The following TIPARP variants were observed in gnomAD, a reference collection of about 807,000 sequenced individuals.
TIPARP encodes TCDD inducible poly(ADP-ribose) polymerase.
In TIPARP, 12 loss-of-function variants were observed where a neutral mutation model predicts 56.5. The observed-to-expected ratio is 0.21, with a 90% CI of 0.14 to 0.34. The LOEUF is 0.34. Ranked by LOEUF, TIPARP falls within the 10% of genes least tolerant of loss-of-function variation. The pLI is 1.00. For missense variants in TIPARP, 604 were observed against 781.6 expected, an observed-to-expected ratio of 0.77 and a Z score of 2.71; for synonymous variants, 296 against 265.7, an observed-to-expected ratio of 1.11 and a Z score of -1.11.
rs1390721044 is a variant in TIPARP at position 156,695,884 on chromosome 3, A to C, written c.1106A>C (p.Glu369Ala). 6.9e-7 allele frequency: 1 copy of C among 1,445,024 alleles called. No homozygotes were observed. The highest frequency in any genetic ancestry group is 1.8e-5 in the African/African-American group (1 of 56,468). The allele number at this position is 1,445,024 out of a possible 1,614,324, so 89.5% of individuals were successfully genotyped here. The change falls in exon 4 of 6, where the codon GAA becomes GCA. Residue 369 changes from glutamate to alanine, a missense_variant. Transcript: ENST00000295924. ...CCATAGTCTGTCATTCGATTGATTG[A>C]AGAAGCCAACTCTCGGGGTCTGAAA... ...EYPESVIRLI[E>A]EANSRGLKEV...
At chr3:156,702,803 G>T (rs1722884296) in intron 4 of TIPARP, among the ~76,000 whole-genome samples, 1 of 152,164 alleles carries the variant, frequency 6.6e-6, no homozygotes, top group Admixed American at 6.5e-5. Context: ...AGAGTTTATA[G>T]TAATTAGCTC....
At chr3:156,688,936 C>T (rs1340149872) in intron 2 of TIPARP, among the ~76,000 whole-genome samples, 1 of 152,122 alleles carries the variant, frequency 6.6e-6, no homozygotes, top group Non-Finnish European at 1.5e-5. Flanking sequence ...TTTCACTTTA[C>T]ATCATAATAA....
intron 4 of TIPARP, among the ~76,000 whole-genome samples, chr3:156,699,986 T>G (rs990486415): frequency 6.6e-6 from 1 of 152,200 alleles, no homozygotes; most frequent in African/African-American, 2.4e-5. Context: ...CCAAAAAGCA[T>G]ATTTTAGAAG....
In TIPARP at chr3:156,678,053, A is replaced by T. The variant is rs1298308351; in HGVS notation, c.356A>T (p.Asp119Val). The change falls in exon 2 of 6, where the codon GAC (aspartate) becomes GTC (valine). Residue 119 changes from aspartate (D) to valine (V), a missense_variant. By Grantham distance (152) the Asp-to-Val change is radical (BLOSUM62 -3). Transcript: ENST00000295924. ...VLIPDRTNVGDQIPEAHPSTE... is the reference protein window; with the variant it reads ...VLIPDRTNVGVQIPEAHPSTE... The stretch of plus-strand genomic sequence containing the variant: ...ATTCCTGATAGGACAAATGTTGGGG[A>T]CCAGATACCGGAAGCCCATCCTTCC... The T allele has an allele frequency of 1.2e-6, 2 of 1,613,980 alleles. No individual in the cohort carries two copies. The highest frequency in any genetic ancestry group is 2.7e-5 in the African/African-American group (2 of 74,922).
rs1004427724 is a variant in TIPARP at position 156,706,303 on chromosome 3, G to A, written c.*1172G>A. On this transcript the variant is annotated 3_prime_UTR_variant, in exon 6 of 6. Transcript: ENST00000295924. ...ACTCCTTATAAAAAGCAAATACCTGGATTTACAAAAGTGAAAGTAGTTGTT... is the reference window on the plus strand; with the variant it reads ...ACTCCTTATAAAAAGCAAATACCTGAATTTACAAAAGTGAAAGTAGTTGTT... The A allele has an allele frequency of 1.2e-4, 19 of 152,594 alleles. No individual in the cohort carries two copies. The highest frequency in any genetic ancestry group is 4.6e-4 in the African/African-American group (19 of 41,434). The allele number at this position is 152,594 out of a possible 1,614,324, so 9.5% of individuals were successfully genotyped here. A position where few individuals can be genotyped will look rare whatever the true frequency, so the allele number is the denominator to read the frequency against.
chr3:156,676,110 A>T (rs1426558830), intron 1 of TIPARP, among the ~76,000 whole-genome samples: 1 of 152,142 alleles, frequency 6.6e-6, no homozygotes, highest in Admixed American at 6.5e-5. Context: ...CCGGTTTGGT[A>T]TGGTGGAGAG....
chr3:156,693,700 T>G (rs1207928417), intron 2 of TIPARP, among the ~76,000 whole-genome samples: 3 of 152,204 alleles, frequency 2.0e-5, no homozygotes, highest in African/African-American at 4.8e-5. Flanking sequence ...ACTCCCTGAT[T>G]GGCTGAGGCC....
Position 156,695,847 on chromosome 3 carries a change from C to CTTTTTTTTTTTTTTT in TIPARP, c.1087-17_1087-16insTTTTTTTTTTTTTTT. ...TTTCCTTTTTTTTTTTTTTTTTGTT[C>CTTTTTTTTTTTTTTT]TGTTTTCTCCTCCATAGTCTGTCAT... On this transcript the variant is annotated splice_polypyrimidine_tract_variant and intron_variant, in intron 3 of 5. Coordinates refer to ENST00000295924, the MANE Select transcript of TIPARP (RefSeq NM_015508.5). 2 of 580,108 alleles carry CTTTTTTTTTTTTTTT rather than the reference C, an allele frequency of 3.4e-6. No homozygotes were observed. Among genetic ancestry groups the CTTTTTTTTTTTTTTT allele is most frequent in the Admixed American group, 6.9e-5 (1 of 14,436 alleles). 35.9% of individuals were successfully genotyped at this position (580,108 alleles called of 1,614,324 possible).
rs1722946925 is a variant in TIPARP, at chr3:156,705,064, A to G, written c.1907A>G (p.Asn636Ser). ...FFEPQIFVIF[N>S]DDQSYPYFVI... ...GAGCCTCAGATTTTTGTCATTTTTA[A>G]TGATGACCAGAGTTACCCTTATTTT... Residue 636 changes from asparagine (N) to serine (S), a missense_variant, in exon 6 of 6, where the codon AAT becomes AGT. Physicochemically the swap from Asn to Ser is conservative, Grantham distance 46. This residue lies in a region of TIPARP where 77 missense variants were observed against 161.0 expected (regional missense o/e 0.48). Transcript: ENST00000295924. 1 of 1,613,976 alleles carries G rather than the reference A, an allele frequency of 6.2e-7. No individual in the cohort carries two copies. Among genetic ancestry groups the G allele is most frequent in the Admixed American group, 1.7e-5 (1 of 59,982 alleles).
rs1270869063 is a variant in TIPARP at position 156,706,310 on chromosome 3, A to G, written c.*1179A>G. Reference sequence around the variant, plus strand: ...ATAAAAAGCAAATACCTGGATTTACAAAAGTGAAAGTAGTTGTTCACAAAA... The same window carrying G: ...ATAAAAAGCAAATACCTGGATTTACGAAAGTGAAAGTAGTTGTTCACAAAA... On this transcript the variant is annotated 3_prime_UTR_variant, in exon 6 of 6. Transcript: ENST00000295924. The G allele has an allele frequency of 1.3e-5, 2 of 152,694 alleles. No individual in the cohort carries two copies. The highest frequency in any genetic ancestry group is 2.9e-5 in the Non-Finnish European group (2 of 68,034). 9.5% of individuals were successfully genotyped at this position (152,694 alleles called of 1,614,324 possible).
At chr3:156,691,655 G>A (rs757991586) in intron 2 of TIPARP, among the ~76,000 whole-genome samples, 9 of 152,116 alleles carry the variant, frequency 5.9e-5, no homozygotes, top group Non-Finnish European at 1.2e-4. Flanking sequence ...GATGCAGATT[G>A]TGGAGAAAAA....
intron 3 of TIPARP, among the ~76,000 whole-genome samples, chr3:156,695,576 G>A (rs191238029): frequency 1.8e-4 from 27 of 151,686 alleles, no homozygotes; most frequent in Non-Finnish European, 2.5e-4. Context: ...AAATATGAAC[G>A]AAAACTCTCT....
chr3:156,693,972 A>G (rs772729012), intron 2 of TIPARP, 48 bp from the exon 3 acceptor site: 4 of 1,539,174 alleles, frequency 2.6e-6, no homozygotes, highest in South Asian at 2.5e-5. Flanking sequence ...CTGTTTTACA[A>G]ATTTATTAAC....
chr3:156,696,069 G>A, intron 4 of TIPARP, 44 bp downstream of exon 4: 1 of 1,576,940 alleles, frequency 6.3e-7, no homozygotes, highest in Non-Finnish European at 8.6e-7. Context: ...CTCATTTTAT[G>A]TAAATGCATT....
chr3:156,681,140 G>A, intron 2 of TIPARP: 1 of 456,578 alleles, frequency 2.2e-6, no homozygotes. Context: ...TGCAGATAAC[G>A]GCATGTTGAG....
intron 3 of TIPARP, 72 bp downstream of exon 3, chr3:156,694,260 T>C (rs1233813285): frequency 2.1e-6 from 3 of 1,399,192 alleles, no homozygotes; most frequent in Non-Finnish European, 2.9e-6. Context: ...CTTTTATTCT[T>C]TCTTTACAAC....
chr3:156,696,947 G>T (rs1722730173), intron 4 of TIPARP, among the ~76,000 whole-genome samples: 1 of 152,084 alleles, frequency 6.6e-6, no homozygotes, highest in Non-Finnish European at 1.5e-5. Flanking sequence ...TCCCTAAGTT[G>T]TTATGAGAAA....
chr3:156,698,386 T>C (rs1722770614), intron 4 of TIPARP, among the ~76,000 whole-genome samples: 1 of 152,212 alleles, frequency 6.6e-6, no homozygotes. Flanking sequence ...TAGGACTTCA[T>C]AGGTAGAGAG....
rs1233983933 is a variant in TIPARP at position 156,678,060 on chromosome 3, A to G, written c.363A>G (p.Ile121Met). Residue 121 changes from isoleucine to methionine, a missense_variant, in exon 2 of 6, where the codon ATA becomes ATG. Ile to Met is a conservative substitution (Grantham distance 10, BLOSUM62 1). Coordinates refer to ENST00000295924, the MANE Select transcript of TIPARP (RefSeq NM_015508.5). ...ATAGGACAAATGTTGGGGACCAGAT[A>G]CCGGAAGCCCATCCTTCCACTGAAG... Reference protein sequence around the residue: ...IPDRTNVGDQIPEAHPSTEAP... With the variant: ...IPDRTNVGDQMPEAHPSTEAP... 6.2e-7 allele frequency: 1 copy of G among 1,614,118 alleles called. No individual in the cohort carries two copies. Among genetic ancestry groups the G allele is most frequent in the Non-Finnish European group, 8.5e-7 (1 of 1,180,024 alleles).
Sources: gnomAD v4.1 joint callset for allele counts (sites outside exome capture counted in the v4.1 genomes callset) on GRCh38, gnomAD v4.1.1 for gene constraint, gnomAD v4.1.1 regional missense constraint, MANE v1.5 for transcripts, NCBI Gene and HGNC (gene_info 2026-07-23, HGNC 2026-07-21) for gene names.